Variants in TRPC5 observed in about 807,000 individuals in gnomAD.
TRPC5 encodes short transient receptor potential channel 5.
Under a neutral mutation model 56.5 loss-of-function variants are expected in TRPC5, and 9 were observed. The observed-to-expected ratio is 0.16, with a 90% CI of 0.10 to 0.28. TRPC5 has a LOEUF of 0.28. Ranked by LOEUF, TRPC5 falls within the 10% of genes least tolerant of loss-of-function variation. The pLI, the probability that TRPC5 is intolerant of heterozygous loss-of-function variation, is 1.00. For missense variants in TRPC5, 469 were observed against 748.9 expected, an observed-to-expected ratio of 0.63 and a Z score of 4.36; for synonymous variants, 282 against 278.5, an observed-to-expected ratio of 1.01 and a Z score of -0.13.
chrX:111,822,823 C>G (rs1158470641), intron 7 of TRPC5, among the ~76,000 whole-genome samples: 1 of 111,469 alleles, frequency 9.0e-6, no homozygotes, highest in Non-Finnish European at 1.9e-5. Flanking sequence ...TTTTTGGGCA[C>G]TGGAACCTTT....
intron 1 of TRPC5, among the ~76,000 whole-genome samples, chrX:111,992,827 T>C (rs1227845160): frequency 5.4e-5 from 6 of 110,167 alleles, no homozygotes; most frequent in African/African-American, 2.0e-4. Context: ...TGTCTCAAAC[T>C]CCTGACCTCA....
At position 111,853,965 on chromosome X, in the gene TRPC5, A is replaced by G; in HGVS notation, c.1042T>C (p.Tyr348His). 8.3e-7 allele frequency: 1 copy of G among 1,211,993 alleles called. No homozygotes were observed. The highest frequency in any genetic ancestry group is 1.1e-6 in the Non-Finnish European group (1 of 895,578). ...GFLFPMLSIAYLISPRSNLGL... is the reference protein window; with the variant it reads ...GFLFPMLSIAHLISPRSNLGL... ...AGGTTGCTCCTGGGTGAGATCAGGT[A>G]GGCTATAGACAGCATGGGAAACAGG... Residue 348 changes from tyrosine (Y) to histidine (H), a missense_variant, in exon 4 of 11, where the codon TAC (tyrosine) becomes CAC (histidine). Physicochemically the swap from Tyr to His is moderately conservative, Grantham distance 83. This residue lies in a region of TRPC5 where 157 missense variants were observed against 360.0 expected (regional missense o/e 0.44). Transcript: ENST00000262839.
At chrX:111,902,028 C>A in intron 3 of TRPC5, 1 of 1,155,625 alleles carries the variant, frequency 8.7e-7, no homozygotes, top group Non-Finnish European at 1.1e-6. Flanking sequence ...GAGGAGCCTT[C>A]GCTACCTGAT....
intron 1 of TRPC5, among the ~76,000 whole-genome samples, chrX:111,964,026 G>A (rs1195997298): frequency 1.8e-5 from 2 of 111,634 alleles, no homozygotes; most frequent in African/African-American, 3.3e-5. Context: ...AAACTACTCC[G>A]AGCTACAGGA....
intron 2 of TRPC5, among the ~76,000 whole-genome samples, chrX:111,945,950 GTGTT>G (rs1365990009): frequency 8.9e-6 from 1 of 112,593 alleles, no homozygotes; most frequent in Non-Finnish European, 1.9e-5. Flanking sequence ...CAGAAAGTCT[GTGTT>G]TGCTCACATC....
intron 1 of TRPC5, among the ~76,000 whole-genome samples, chrX:112,012,862 G>C (rs1325376083): frequency 9.0e-6 from 1 of 111,667 alleles, no homozygotes; most frequent in African/African-American, 3.3e-5. Context: ...CAAGCAGCTT[G>C]CCCCAGTTAT....
intron 6 of TRPC5, 120 bp downstream of exon 6, chrX:111,846,994 C>T: frequency 1.3e-6 from 1 of 789,349 alleles, no homozygotes; most frequent in East Asian, 3.2e-5. Flanking sequence ...ACAGTGAGCA[C>T]TGCCTTCACA....
At chrX:111,837,279 A>C (rs1412874710) in intron 6 of TRPC5, among the ~76,000 whole-genome samples, 1 of 109,211 alleles carries the variant, frequency 9.2e-6, no homozygotes, top group African/African-American at 3.5e-5. Context: ...GAGGGTTGAA[A>C]AATGAGGAAG....
intron 3 of TRPC5, among the ~76,000 whole-genome samples, chrX:111,909,846 G>A (rs1162888863): frequency 1.8e-5 from 2 of 111,759 alleles, no homozygotes; most frequent in African/African-American, 6.5e-5. Flanking sequence ...GAAGGTTAAT[G>A]AGGATTGGAG....
chrX:112,016,684 GCT>G (rs1394713865), intron 1 of TRPC5, among the ~76,000 whole-genome samples: 2 of 111,798 alleles, frequency 1.8e-5, no homozygotes, highest in Non-Finnish European at 3.8e-5. Context: ...CTTAGCTTTT[GCT>G]CTGTGTGTAC....
intron 7 of TRPC5, among the ~76,000 whole-genome samples, chrX:111,792,476 A>T: frequency 8.9e-6 from 1 of 111,792 alleles, no homozygotes; most frequent in Non-Finnish European, 1.9e-5. Context: ...ATTTTAAAAA[A>T]TTAAAAAAAA....
At chrX:112,063,381 AC>A (rs1191425620) in intron 1 of TRPC5, among the ~76,000 whole-genome samples, 2 of 111,816 alleles carry the variant, frequency 1.8e-5, no homozygotes, top group Non-Finnish European at 3.8e-5. Flanking sequence ...GGGCTAAATA[AC>A]TTTTATCCAT....
rs779739877 is a variant in TRPC5 at position 112,036,772 on chromosome X, C to T, written c.-22+45107G>A. On this transcript the variant is annotated intron_variant, in intron 1 of 10. Coordinates refer to ENST00000262839, the MANE Select transcript of TRPC5 (RefSeq NM_012471.3). ...TCTTACCAACAAACAGTTATCTGGG[C>T]CACTGAATCCAGGGCTTGTTTTGTA... is the stretch of plus-strand genomic sequence containing the variant. Among the ~76,000 whole-genome samples the T allele has an allele frequency of 1.2e-3, 134 of 111,484 alleles. 2 individuals are homozygous for T. The highest frequency in any genetic ancestry group is 3.7e-3 in the African/African-American group (112 of 30,668).
chrX:112,039,717 T>C (rs1929846349), intron 1 of TRPC5, among the ~76,000 whole-genome samples: 1 of 111,255 alleles, frequency 9.0e-6, no homozygotes, highest in Non-Finnish European at 1.9e-5. Context: ...ATTACCGTCA[T>C]ACAGAGCCTA....
intron 1 of TRPC5, among the ~76,000 whole-genome samples, chrX:111,985,513 G>C (rs1928189516): frequency 1.8e-5 from 2 of 112,262 alleles, no homozygotes; most frequent in Non-Finnish European, 3.8e-5. Flanking sequence ...CATTGGGGAA[G>C]GCTGGGATAA....
chrX:111,879,061 T>G (rs1438746567), intron 3 of TRPC5, among the ~76,000 whole-genome samples: 2 of 112,101 alleles, frequency 1.8e-5, no homozygotes, highest in Non-Finnish European at 3.8e-5. Context: ...GTGTGTAATG[T>G]TTCTGCAACA....
intron 6 of TRPC5, among the ~76,000 whole-genome samples, chrX:111,843,916 G>GTA (rs1198073176): frequency 1.0e-5 from 1 of 99,762 alleles, no homozygotes; most frequent in Non-Finnish European, 2.0e-5. Flanking sequence ...GTGTGTGTGT[G>GTA]TGTATGTGAG....
chrX:112,051,773 C>A (rs1415513711), intron 1 of TRPC5, among the ~76,000 whole-genome samples: 2 of 111,746 alleles, frequency 1.8e-5, no homozygotes, highest in African/African-American at 6.5e-5. Context: ...CATTAAACAA[C>A]CTCCCATTTC....
intron 7 of TRPC5, among the ~76,000 whole-genome samples, chrX:111,796,335 G>T (rs115237566): frequency 0.03 from 3,377 of 111,404 alleles, 122 homozygotes; most frequent in African/African-American, 0.1. Context: ...CCAACTTCTT[G>T]GCTTCCTCAA....
Sources: gnomAD v4.1 joint callset for allele counts (sites outside exome capture counted in the v4.1 genomes callset) on GRCh38, gnomAD v4.1.1 for gene constraint, gnomAD v4.1.1 regional missense constraint, MANE v1.5 for transcripts, NCBI Gene and HGNC (gene_info 2026-07-23, HGNC 2026-07-21) for gene names.